Variants in EPB41L1 observed in about 807,000 individuals in gnomAD.
The protein encoded by EPB41L1 is erythrocyte membrane protein band 4.1 like 1, also known as band 4.1-like protein 1.
Under a neutral mutation model 97.8 loss-of-function variants are expected in EPB41L1, and 29 were observed. The observed-to-expected ratio is 0.30, with a 90% CI of 0.22 to 0.40. The LOEUF (loss-of-function observed/expected upper bound fraction) is 0.40, where lower values mean the gene tolerates loss of function less well. Ranked by LOEUF, EPB41L1 falls within the 10% of genes least tolerant of loss-of-function variation. EPB41L1 has a pLI of 1.00. For missense variants in EPB41L1, 812 were observed against 1,162.3 expected, an observed-to-expected ratio of 0.70 and a Z score of 4.38; for synonymous variants, 383 against 459.2, an observed-to-expected ratio of 0.83 and a Z score of 2.12.
chr20:36,145,049 G>C (rs2059782116), intron 2 of EPB41L1, among the ~76,000 whole-genome samples: 1 of 152,138 alleles, frequency 6.6e-6, no homozygotes, highest in South Asian at 2.1e-4. Flanking sequence ...AGAATCACAG[G>C]AGGGCTGATG....
Position 36,207,904 on chromosome 20 carries a change from C to A in EPB41L1, c.1669-1584C>A, listed in dbSNP as rs1430118773. 21 of 1,073,098 alleles carry A rather than the reference C, an allele frequency of 2.0e-5. No homozygotes were observed. In the South Asian group the frequency reaches 2.8e-4, roughly 14 times the overall value. The allele number at this position is 1,073,098 out of a possible 1,614,324, so 66.5% of individuals were successfully genotyped here. A position where few individuals can be genotyped will look rare whatever the true frequency, so the allele number is the denominator to read the frequency against. ...TCGTCATTTCTGCAATCAGAGGCTG[C>A]TTATCCATCCCTGTGAGTTTTTTCC... On this transcript the variant is annotated intron_variant, in intron 14 of 21. Coordinates refer to ENST00000338074, the MANE Select transcript of EPB41L1 (RefSeq NM_012156.2). The surrounding 1 kb of genome is among the most constrained non-coding windows in gnomAD (Gnocchi z 4.9).
At chr20:36,180,718 A>C (rs77650926) in intron 5 of EPB41L1, among the ~76,000 whole-genome samples, 1 of 152,196 alleles carries the variant, frequency 6.6e-6, no homozygotes, top group Non-Finnish European at 1.5e-5. Flanking sequence ...TGAGTATTAC[A>C]TGTAGAATGG....
Position 36,214,406 on chromosome 20 carries a change from C to T in EPB41L1, c.2234C>T (p.Pro745Leu), listed in dbSNP as rs752672632. 3.7e-6 allele frequency: 6 copies of T among 1,613,598 alleles called. No homozygotes were observed. The highest frequency in any genetic ancestry group is 1.3e-5 in the African/African-American group (1 of 74,858). Residue 745 changes from proline (P) to leucine (L), a missense_variant, in exon 17 of 22, where the codon CCC becomes CTC. Coordinates refer to ENST00000338074, the MANE Select transcript of EPB41L1 (RefSeq NM_012156.2). ...SVGREFIATT[P>L]SITTETISTT... ...GGGAGGGAGTTCATAGCAACCACTCCCTCCATCACCACGGAGACCATATCG... is the reference window on the plus strand; with the variant it reads ...GGGAGGGAGTTCATAGCAACCACTCTCTCCATCACCACGGAGACCATATCG...
chr20:36,104,743 C>T (rs896293871), intron 1 of EPB41L1, among the ~76,000 whole-genome samples: 5 of 152,156 alleles, frequency 3.3e-5, no homozygotes, highest in African/African-American at 4.8e-5. Context: ...TATGTCAGAG[C>T]CCACCAGCAG....
chr20:36,162,316 G>A (rs141108431), intron 1 of EPB41L1, among the ~76,000 whole-genome samples: 125 of 152,356 alleles, frequency 8.2e-4, no homozygotes, highest in African/African-American at 2.8e-3. Flanking sequence ...TGATACTGCC[G>A]TTATTATTTC....
At chr20:36,200,711 C>A (rs975218682) in intron 14 of EPB41L1, among the ~76,000 whole-genome samples, 3 of 152,196 alleles carry the variant, frequency 2.0e-5, no homozygotes, top group African/African-American at 7.2e-5. Context: ...CTGACCTAAT[C>A]CACAAATCCT....
intron 1 of EPB41L1, chr20:36,155,636 A>G (rs2060264395): frequency 2.2e-6 from 1 of 456,350 alleles, no homozygotes; most frequent in African/African-American, 2.0e-5. Flanking sequence ...ATATGGCTCA[A>G]AGTGGTCCAT....
chr20:36,182,069 T>C (rs1419064680), intron 5 of EPB41L1, among the ~76,000 whole-genome samples: 1 of 152,230 alleles, frequency 6.6e-6, no homozygotes, highest in African/African-American at 2.4e-5. Flanking sequence ...TCTACCTTCC[T>C]TCCTACTGCT....
At chr20:36,117,258 G>T (rs180876281) in intron 2 of EPB41L1, among the ~76,000 whole-genome samples, 29 of 152,266 alleles carry the variant, frequency 1.9e-4, no homozygotes, top group African/African-American at 7.0e-4. Context: ...CTGGAGGGGT[G>T]TCTCTGGGGG....
intron 19 of EPB41L1, among the ~76,000 whole-genome samples, chr20:36,220,956 G>A (rs528825783): frequency 1.3e-5 from 2 of 152,168 alleles, no homozygotes; most frequent in Non-Finnish European, 2.9e-5. Context: ...CTCTGCCTGC[G>A]CCTCTACAGG....
chr20:36,132,002 C>T (rs1418217324), intron 2 of EPB41L1, among the ~76,000 whole-genome samples: 1 of 152,166 alleles, frequency 6.6e-6, no homozygotes, highest in East Asian at 1.9e-4. Context: ...GGCCCCAGCT[C>T]AGGCCTGTTC....
rs573620029 is a variant in EPB41L1, at chr20:36,117,661, A to G, written c.-10+5181A>G. On this transcript the variant is annotated intron_variant, in intron 2 of 19. Coordinates refer to the EPB41L1 transcript ENST00000202028. ...AGGTAAGTAACTTCTCCAAGGTTAC[A>G]CAGACAGAGCAGGGCTAGAAGATAG... is the stretch of plus-strand genomic sequence containing the variant. Among the ~76,000 whole-genome samples the G allele has an allele frequency of 8.3e-3, 1,111 of 133,518 alleles. 13 individuals carry two copies. The highest frequency in any genetic ancestry group is 0.039 in the African/African-American group (1,071 of 27,758). The allele number at this position is 133,518 out of a possible 152,430, so 87.6% of individuals were successfully genotyped here.
At chr20:36,141,726 T>C (rs2059646030) in intron 2 of EPB41L1, among the ~76,000 whole-genome samples, 1 of 152,180 alleles carries the variant, frequency 6.6e-6, no homozygotes, top group Admixed American at 6.5e-5. Flanking sequence ...AAGAAATAAT[T>C]CCACTATCAT....
intron 14 of EPB41L1, chr20:36,208,370 G>A: frequency 2.2e-6 from 1 of 449,100 alleles, no homozygotes; most frequent in Non-Finnish European, 4.5e-6. Context: ...CCCTGGGAAG[G>A]GGGGGCGCCT....
At chr20:36,169,333 C>T (rs906669920) in intron 1 of EPB41L1, among the ~76,000 whole-genome samples, 1 of 152,188 alleles carries the variant, frequency 6.6e-6, no homozygotes, top group African/African-American at 2.4e-5. Context: ...GTCTGCCTGA[C>T]TCCACAGCCT....
Position 36,175,568 on chromosome 20 carries a change from G to A in EPB41L1, c.195G>A (p.Glu65=). ...RPAEQSLDME[E]KDYSEADGLS... ...TCCTGCAGAGCCTAGACATGGAGGAGAAGGACTACAGTGAGGCCGATGGCC... is the reference window on the plus strand; with the variant it reads ...TCCTGCAGAGCCTAGACATGGAGGAAAAGGACTACAGTGAGGCCGATGGCC... Residue 65 remains glutamate (E), a synonymous_variant, in exon 3 of 22, where the codon GAG becomes GAA. Transcript: ENST00000338074. 6.2e-7 allele frequency: 1 copy of A among 1,614,216 alleles called. No individual in the cohort carries two copies.
intron 17 of EPB41L1, among the ~76,000 whole-genome samples, chr20:36,215,016 T>A (rs764037522): frequency 6.0e-5 from 9 of 150,526 alleles, no homozygotes; most frequent in Non-Finnish European, 1.2e-4. Flanking sequence ...ATGGCAATAA[T>A]CCCCATTCTG....
At position 36,214,373 on chromosome 20, in the gene EPB41L1, C is replaced by A; in HGVS notation, c.2201C>A (p.Ala734Asp). 1 of 1,613,808 alleles carries A rather than the reference C, an allele frequency of 6.2e-7. No individual in the cohort carries two copies. Among genetic ancestry groups the A allele is most frequent in the Non-Finnish European group, 8.5e-7 (1 of 1,179,918 alleles). The stretch of plus-strand genomic sequence containing the variant: ...TCTGGTCAGCAGGTTGATGGGAGTG[C>A]CTCAGTGGGGAGGGAGTTCATAGCA... Reference protein sequence around the residue: ...MDNTQQVDGSASVGREFIATT... With the variant: ...MDNTQQVDGSDSVGREFIATT... The change falls in exon 17 of 22, where the codon GCC (alanine) becomes GAC (aspartate). Residue 734 changes from alanine to aspartate, a missense_variant. Ala to Asp is a moderately radical substitution (Grantham distance 126, BLOSUM62 -2). Coordinates refer to ENST00000338074, the MANE Select transcript of EPB41L1 (RefSeq NM_012156.2).
In EPB41L1 at chr20:36,194,318, G is replaced by A; in HGVS notation, c.1407G>A (p.Glu469=). 1 of 1,614,030 alleles carries A rather than the reference G, an allele frequency of 6.2e-7. No homozygotes were observed. The highest frequency in any genetic ancestry group is 8.5e-7 in the Non-Finnish European group (1 of 1,179,956). ...CTGGGGGGCAACGGTCAGAGGCTGAGGAGGGAGAGGTCAGGACTCCAACCA... is the reference window on the plus strand; with the variant it reads ...CTGGGGGGCAACGGTCAGAGGCTGAAGAGGGAGAGGTCAGGACTCCAACCA... The part of the protein sequence containing the change: ...GESGGQRSEA[E]EGEVRTPTKI... Residue 469 remains glutamate, a synonymous_variant, in exon 12 of 22, where the codon GAG becomes GAA. Transcript: ENST00000338074.
Sources: allele counts gnomAD v4.1 joint callset (sites outside exome capture counted in the v4.1 genomes callset), GRCh38; gene constraint gnomAD v4.1.1; non-coding constraint Gnocchi (gnomAD v3.1); transcripts MANE v1.5; gene names NCBI Gene and HGNC (gene_info 2026-07-23, HGNC 2026-07-21).